The following TMEM131 variants were observed in gnomAD, a reference collection of about 807,000 sequenced individuals.
TMEM131 encodes the protein 2610524E03Rik.
TMEM131 carries 66 observed loss-of-function variants against 211.6 expected under a neutral mutation model. That is an observed-to-expected ratio of 0.31 (90% CI 0.26 to 0.38). The LOEUF (loss-of-function observed/expected upper bound fraction) is 0.38, where lower values mean the gene tolerates loss of function less well. Ranked by LOEUF, TMEM131 falls within the 10% of genes least tolerant of loss-of-function variation. TMEM131 has a pLI of 1.00. For synonymous variants in TMEM131, 844 were observed against 841.3 expected (o/e 1.00, Z -0.06); for missense variants, 2,036 against 2,299.3 (o/e 0.89, Z 2.34).
At chr2:97,984,184 A>G (rs999506914) in intron 1 of TMEM131, among the ~76,000 whole-genome samples, 4 of 152,208 alleles carry the variant, frequency 2.6e-5, no homozygotes, top group Non-Finnish European at 5.9e-5. Context: ...ACTTATTCTA[A>G]TTATACCAAT....
intron 1 of TMEM131, among the ~76,000 whole-genome samples, chr2:97,987,953 T>C (rs1481327146): frequency 6.6e-6 from 1 of 152,152 alleles, no homozygotes; most frequent in African/African-American, 2.4e-5. Flanking sequence ...AGTAGAAAAG[T>C]GCATCCTAAA....
At chr2:97,976,532 C>T (rs1679543742) in intron 1 of TMEM131, among the ~76,000 whole-genome samples, 1 of 152,056 alleles carries the variant, frequency 6.6e-6, no homozygotes, top group Non-Finnish European at 1.5e-5. Flanking sequence ...GTGAAAATAT[C>T]CCTGTTCATG....
chr2:97,885,681 C>T (rs1208031848), intron 4 of TMEM131, among the ~76,000 whole-genome samples: 1 of 152,040 alleles, frequency 6.6e-6, no homozygotes, highest in African/African-American at 2.4e-5. Context: ...TGTGACTTGA[C>T]ACTTTTCTCT....
intron 33 of TMEM131, among the ~76,000 whole-genome samples, chr2:97,768,070 CTTTT>C (rs1679267083): frequency 3.2e-5 from 2 of 63,446 alleles, no homozygotes; most frequent in Non-Finnish European, 7.9e-5. Context: ...AGGACATTTT[CTTTT>C]GTTTCGTTGT....
chr2:97,793,991 CTCAAAAAAAA>C (rs1460610555), intron 29 of TMEM131, among the ~76,000 whole-genome samples: 2 of 19,736 alleles, frequency 1.0e-4, no homozygotes, highest in Admixed American at 1.7e-3. Flanking sequence ...GAGACTCTGT[CTCAAAAAAAA>C]AAAAAAAAAA....
chr2:97,890,525 C>T (rs2104275023), intron 3 of TMEM131, among the ~76,000 whole-genome samples: 1 of 152,248 alleles, frequency 6.6e-6, no homozygotes, highest in African/African-American at 2.4e-5. Context: ...TTTTCAAGAG[C>T]ATTGTTTTAG....
intron 32 of TMEM131, among the ~76,000 whole-genome samples, chr2:97,772,929 T>C (rs1182398938): frequency 1.3e-5 from 2 of 152,162 alleles, no homozygotes; most frequent in African/African-American, 2.4e-5. Context: ...CGACTACGTT[T>C]TGGTGAGTTG....
chr2:97,799,607 T>C (rs1295437155), intron 25 of TMEM131, among the ~76,000 whole-genome samples: 1 of 152,246 alleles, frequency 6.6e-6, no homozygotes, highest in Admixed American at 6.5e-5. Flanking sequence ...TTCACCATTG[T>C]GAGCATGACA....
At chr2:97,785,472 G>GT (rs2104856319) in intron 31 of TMEM131, among the ~76,000 whole-genome samples, 1 of 152,164 alleles carries the variant, frequency 6.6e-6, no homozygotes, top group South Asian at 2.1e-4. Flanking sequence ...CCACAAAGAG[G>GT]TATCACTACA....
chr2:97,993,697 T>A (rs1300849632), intron 1 of TMEM131, among the ~76,000 whole-genome samples: 1 of 152,238 alleles, frequency 6.6e-6, no homozygotes. Context: ...CTTAACACCC[T>A]GGCAAGTATT....
At chr2:97,831,617 G>T (rs1559387339) in intron 11 of TMEM131, among the ~76,000 whole-genome samples, 1 of 145,528 alleles carries the variant, frequency 6.9e-6, no homozygotes, top group Non-Finnish European at 1.5e-5. Context: ...ATAAAGATGT[G>T]ATTGCTAAGT....
In TMEM131 at chr2:97,787,655, ATG is replaced by A. The variant is rs140375100; in HGVS notation, c.4144+4729_4144+4730del. ...AACTCATTTAGAAACAAAACTTAATATGACTATATATTTTTGGTGGCTGCTGA... is the reference window on the plus strand; with the variant it reads ...AACTCATTTAGAAACAAAACTTAATAACTATATATTTTTGGTGGCTGCTGA... On this transcript the variant is annotated intron_variant, in intron 31 of 40. Transcript: ENST00000186436. 5.9e-3 allele frequency among the ~76,000 whole-genome samples: 893 copies of A among 152,316 alleles called. 14 individuals carry two copies. Among genetic ancestry groups the A allele is most frequent in the African/African-American group, 0.021 (853 of 41,564 alleles).
chr2:97,964,640 G>A (rs564461402), intron 1 of TMEM131, among the ~76,000 whole-genome samples: 3 of 152,248 alleles, frequency 2.0e-5, no homozygotes, highest in Admixed American at 2.0e-4. Flanking sequence ...TTTACTCCCA[G>A]ACAGAAAAAC....
Position 97,995,612 on chromosome 2 carries a change from G to T in TMEM131, c.51C>A (p.Val17=). 1 of 1,240,946 alleles carries T rather than the reference G, an allele frequency of 8.1e-7. No individual in the cohort carries two copies. The highest frequency in any genetic ancestry group is 1.0e-6 in the Non-Finnish European group (1 of 992,474). 76.9% of individuals were successfully genotyped at this position (1,240,946 alleles called of 1,614,324 possible). ...GGATGATTAA[V]STSAGAGLEP... ...CCAGCCCGGCCCCGGCGGACGTGGA[G>T]ACGGCGGCGGTGGTGGCTCCGGTTG... The change falls in exon 1 of 41, where the codon GTC becomes GTA. Residue 17 remains valine, a synonymous_variant. Transcript: ENST00000186436.
intron 35 of TMEM131, 63 bp from the exon 36 acceptor site, chr2:97,762,263 C>A: frequency 6.6e-7 from 1 of 1,526,428 alleles, no homozygotes; most frequent in Non-Finnish European, 9.0e-7. Context: ...TTCCAAATCA[C>A]TTTGAATGTT....
intron 31 of TMEM131, among the ~76,000 whole-genome samples, chr2:97,780,622 T>C (rs1679949243): frequency 6.6e-6 from 1 of 152,180 alleles, no homozygotes; most frequent in Non-Finnish European, 1.5e-5. Flanking sequence ...TGCTCCACCC[T>C]TGACCTATCA....
chr2:97,944,138 T>A (rs1412362887), intron 1 of TMEM131, among the ~76,000 whole-genome samples: 3 of 151,972 alleles, frequency 2.0e-5, no homozygotes, highest in Non-Finnish European at 4.4e-5. Context: ...TCAAACAGAA[T>A]AGAACTGACA....
chr2:97,859,450 T>C, intron 4 of TMEM131, 23 bp from the exon 5 acceptor site: 2 of 1,518,088 alleles, frequency 1.3e-6, no homozygotes, highest in Non-Finnish European at 1.8e-6. Context: ...AAGAAAATTA[T>C]CACAAATATT....
chr2:97,870,034 C>G (rs780639713), intron 4 of TMEM131, among the ~76,000 whole-genome samples: 1 of 152,134 alleles, frequency 6.6e-6, no homozygotes, highest in Non-Finnish European at 1.5e-5. Flanking sequence ...TTTTCAAAAG[C>G]AGCACGAAGA....
Sources: allele counts gnomAD v4.1 joint callset (sites outside exome capture counted in the v4.1 genomes callset), GRCh38; gene constraint gnomAD v4.1.1; transcripts MANE v1.5; gene names NCBI Gene and HGNC (gene_info 2026-07-23, HGNC 2026-07-21).